Variants in DEFB104A observed in about 807,000 individuals in gnomAD.
DEFB104A encodes defensin beta 104A.
In DEFB104A at chr8:7,837,396, T is replaced by G. The variant is rs1264471213; in HGVS notation, c.58+854T>G. ...CTGCTCAGTCAATTTTATGGGGCTT[T>G]GACAGACACCCAGCACCCATCTTTT... is the stretch of plus-strand genomic sequence containing the variant. On this transcript the variant is annotated intron_variant, in intron 1 of 1. Coordinates refer to ENST00000314265, the MANE Select transcript of DEFB104A (RefSeq NM_080389.3). Among the ~76,000 whole-genome samples, 2 of 142,306 alleles carry G rather than the reference T, an allele frequency of 1.4e-5. 1 individual carries two copies. The highest frequency in any genetic ancestry group is 5.3e-5 in the African/African-American group (2 of 38,064). The allele number at this position is 142,306 out of a possible 152,430, so 93.4% of individuals were successfully genotyped here. A position where few individuals can be genotyped will look rare whatever the true frequency, so the allele number is the denominator to read the frequency against.
chr8:7,838,645 A>C (rs1303649989), intron 1 of DEFB104A, among the ~76,000 whole-genome samples: 1 of 145,758 alleles, frequency 6.9e-6, no homozygotes, highest in East Asian at 2.0e-4. Flanking sequence ...GTGCCATTGC[A>C]CTCTACCCTA....
At chr8:7,837,600 C>G (rs529183256) in intron 1 of DEFB104A, among the ~76,000 whole-genome samples, 4 of 141,058 alleles carry the variant, frequency 2.8e-5, no homozygotes, top group Non-Finnish European at 4.6e-5. Context: ...AGCAATTTAT[C>G]AAAGAACAGG....
At chr8:7,838,610 G>T (rs1234632353) in intron 1 of DEFB104A, among the ~76,000 whole-genome samples, 9 of 146,088 alleles carry the variant, frequency 6.2e-5, no homozygotes, top group Non-Finnish European at 1.2e-4. Context: ...AACCCAAGAG[G>T]TGGAGGTTGC....
intron 1 of DEFB104A, among the ~76,000 whole-genome samples, chr8:7,838,372 C>G (rs1485608826): frequency 7.1e-6 from 1 of 140,590 alleles, no homozygotes; most frequent in East Asian, 2.0e-4. Flanking sequence ...ATAGTCCCAC[C>G]TTTCTGGACC....
At chr8:7,839,026 T>A (rs1817704546) in intron 1 of DEFB104A, among the ~76,000 whole-genome samples, 2 of 143,096 alleles carry the variant, frequency 1.4e-5, no homozygotes, top group South Asian at 4.4e-4. Flanking sequence ...GTGTATGGAC[T>A]GCATTCTCCC....
intron 1 of DEFB104A, among the ~76,000 whole-genome samples, chr8:7,836,831 C>T (rs1242659461): frequency 1.4e-5 from 2 of 142,334 alleles, no homozygotes. Context: ...AACAATTCCT[C>T]ATGGAATCCT....
At chr8:7,839,583 A>G (rs1254589902) in intron 1 of DEFB104A, among the ~76,000 whole-genome samples, 16 of 65,498 alleles carry the variant, frequency 2.4e-4, no homozygotes, top group African/African-American at 4.7e-4. Flanking sequence ...CCTCACCTAC[A>G]TCCTGGACAA....
chr8:7,837,217 C>T lies in DEFB104A; in HGVS notation c.58+675C>T, dbSNP rs570256801. Among the ~76,000 whole-genome samples the T allele has an allele frequency of 1.5e-4, 21 of 138,824 alleles. 1 individual carries two copies. Among genetic ancestry groups the T allele is most frequent in the African/African-American group, 5.7e-4 (21 of 36,986 alleles). The allele number at this position is 138,824 out of a possible 152,430, so 91.1% of individuals were successfully genotyped here. On this transcript the variant is annotated intron_variant, in intron 1 of 1. Coordinates refer to ENST00000314265, the MANE Select transcript of DEFB104A (RefSeq NM_080389.3). ...TATTTGCAATGGATATGAGAGAGCA[C>T]CTAATCTAATTCCCTTCTTTTACAA... is the stretch of plus-strand genomic sequence containing the variant.
Position 7,838,687 on chromosome 8 carries a change from A to C in DEFB104A, c.58+2145A>C, listed in dbSNP as rs1479532309. 1.2e-4 allele frequency among the ~76,000 whole-genome samples: 6 copies of C among 48,942 alleles called. 1 individual carries two copies. The highest frequency in any genetic ancestry group is 2.2e-4 in the African/African-American group (4 of 18,434). 32.1% of individuals were successfully genotyped at this position (48,942 alleles called of 152,430 possible). Reference sequence around the variant, plus strand: ...AGAGCAAGACTCTGTCTCAAAAAAAACCAAAAAAACAAACAAAAAAAAAAA... The same window carrying C: ...AGAGCAAGACTCTGTCTCAAAAAAACCCAAAAAAACAAACAAAAAAAAAAA... On this transcript the variant is annotated intron_variant, in intron 1 of 1. Coordinates refer to ENST00000314265, the MANE Select transcript of DEFB104A (RefSeq NM_080389.3).
At chr8:7,839,686 G>A (rs56114266) in intron 1 of DEFB104A, among the ~76,000 whole-genome samples, 3,864 of 112,648 alleles carry the variant, frequency 0.034, 11 homozygotes, top group African/African-American at 0.11. Context: ...TTAGCAGCCC[G>A]TTTCTGCTTT....
intron 1 of DEFB104A, among the ~76,000 whole-genome samples, chr8:7,839,118 G>C (rs71242674): frequency 7.3e-6 from 1 of 137,822 alleles, no homozygotes; most frequent in Non-Finnish European, 1.6e-5. Flanking sequence ...GCTGTGTGAC[G>C]TCAGATTAGT....
intron 1 of DEFB104A, among the ~76,000 whole-genome samples, chr8:7,837,163 A>G (rs1335002423): frequency 1.4e-5 from 2 of 140,264 alleles, no homozygotes; most frequent in Admixed American, 7.5e-5. Context: ...ACGTTAATCT[A>G]TGTCCCCAGA....
intron 1 of DEFB104A, among the ~76,000 whole-genome samples, chr8:7,836,922 T>C (rs1184770613): frequency 6.3e-5 from 9 of 142,604 alleles, no homozygotes; most frequent in Non-Finnish European, 1.4e-4. Flanking sequence ...TAGAATAAGA[T>C]GCCTTCCCCC....
intron 1 of DEFB104A, among the ~76,000 whole-genome samples, chr8:7,837,073 A>G (rs1434759164): frequency 1.4e-5 from 2 of 141,556 alleles, no homozygotes. Context: ...AACGTAATTT[A>G]CTGACAACAC....
rs564900241 is a variant in DEFB104A at position 7,836,962 on chromosome 8, GCACAGAAAAGGGCGCCTACTCATC to G, written c.58+422_58+445del. On this transcript the variant is annotated intron_variant, in intron 1 of 1. Coordinates refer to ENST00000314265, the MANE Select transcript of DEFB104A (RefSeq NM_080389.3). Reference sequence around the variant, plus strand: ...TCCTCCTTCTGAACAGCTTTACTCTGCACAGAAAAGGGCGCCTACTCATCCTCCTAAATTTTGCAACTTTTCATA... The same window carrying G: ...TCCTCCTTCTGAACAGCTTTACTCTGCTCCTAAATTTTGCAACTTTTCATA... Among the ~76,000 whole-genome samples, 2 of 142,804 alleles carry G rather than the reference GCACAGAAAAGGGCGCCTACTCATC, an allele frequency of 1.4e-5. 1 individual carries two copies. Among genetic ancestry groups the G allele is most frequent in the South Asian group, 4.9e-4 (2 of 4,122 alleles). 93.7% of individuals were successfully genotyped at this position (142,804 alleles called of 152,430 possible).
At position 7,838,342 on chromosome 8, in the gene DEFB104A, C is replaced by T. The variant is rs867627705; in HGVS notation, c.58+1800C>T. Among the ~76,000 whole-genome samples the T allele has an allele frequency of 1.2e-4, 17 of 143,400 alleles. No individual in the cohort carries two copies. In the Middle Eastern group the frequency reaches 0.014, roughly 117 times the overall value. The allele number at this position is 143,400 out of a possible 152,430, so 94.1% of individuals were successfully genotyped here. On this transcript the variant is annotated intron_variant, in intron 1 of 1. Transcript: ENST00000314265. The stretch of plus-strand genomic sequence containing the variant: ...CACTCCCACTGCACCCCCACAGGCC[C>T]CCCGCCACCCCCACTTTGAATAGTC...
At chr8:7,840,378 A>ATG (rs1817739318) in intron 1 of DEFB104A, among the ~76,000 whole-genome samples, 1 of 57,644 alleles carries the variant, frequency 1.7e-5, no homozygotes, top group African/African-American at 5.3e-5. Context: ...GTATATATAT[A>ATG]TACCTATATA....
intron 1 of DEFB104A, among the ~76,000 whole-genome samples, chr8:7,840,140 C>CTGGTT (rs1303050316): frequency 3.7e-4 from 56 of 150,226 alleles, no homozygotes; most frequent in Non-Finnish European, 7.5e-4. Context: ...TACTTGCAAC[C>CTGGTT]ACTCTAGTTT....
In DEFB104A at chr8:7,837,155, G is replaced by A. The variant is rs539657088; in HGVS notation, c.58+613G>A. Among the ~76,000 whole-genome samples, 43 of 140,392 alleles carry A rather than the reference G, an allele frequency of 3.1e-4. 2 individuals carry two copies. Among genetic ancestry groups the A allele is most frequent in the African/African-American group, 8.6e-4 (32 of 37,370 alleles). The allele number at this position is 140,392 out of a possible 152,430, so 92.1% of individuals were successfully genotyped here. On this transcript the variant is annotated intron_variant, in intron 1 of 1. Transcript: ENST00000314265. ...ATGTCAGCAATCTTCTGACTCCTAC[G>A]TTAATCTATGTCCCCAGAAGCATGT...
Sources: allele counts gnomAD v4.1 joint callset (sites outside exome capture counted in the v4.1 genomes callset), GRCh38; gene constraint gnomAD v4.1.1; transcripts MANE v1.5; gene names NCBI Gene and HGNC (gene_info 2026-07-23, HGNC 2026-07-21).